Variants in FAM177A1 observed in about 807,000 individuals in gnomAD.
The protein encoded by FAM177A1 is family with sequence similarity 177 member A1, also known as protein FAM177A1.
FAM177A1 carries 22 observed loss-of-function variants against 26.1 expected under a neutral mutation model. The observed-to-expected ratio is 0.84, with a 90% CI of 0.60 to 1.20. FAM177A1 has a LOEUF of 1.20. Ranked by LOEUF, FAM177A1 falls within the 50% of genes most tolerant of loss-of-function variation. FAM177A1 has a pLI of 0.00. For missense variants in FAM177A1, 296 were observed against 291.1 expected (o/e 1.02, Z -0.12); for synonymous variants, 95 against 99.3 (o/e 0.96, Z 0.26).
chr14:35,046,772 G>A, intron 1 of FAM177A1, 144 bp downstream of exon 1: 2 of 1,387,070 alleles, frequency 1.4e-6, no homozygotes, highest in East Asian at 2.9e-5. Context: ...CCCTGTTTCT[G>A]CTCACTGAGA....
upstream of FAM177A1, among the ~76,000 whole-genome samples, chr14:35,045,641 TCA>T (rs1491157879): frequency 6.6e-6 from 1 of 152,296 alleles, no homozygotes; most frequent in South Asian, 2.1e-4. Flanking sequence ...CTGCAGAACC[TCA>T]GACTTGTTTG....
intron 2 of FAM177A1, among the ~76,000 whole-genome samples, chr14:35,072,485 C>A (rs1285059430): frequency 6.6e-6 from 1 of 152,138 alleles, no homozygotes; most frequent in Admixed American, 6.5e-5. Flanking sequence ...GAAAGGCGTA[C>A]TTGCTGTGAC....
intron 2 of FAM177A1, among the ~76,000 whole-genome samples, chr14:35,054,122 GGAGAA>G: frequency 6.6e-6 from 1 of 152,162 alleles, no homozygotes; most frequent in Non-Finnish European, 1.5e-5. Context: ...TGCCTCAACA[GGAGAA>G]TGGCATGAAC....
intron 2 of FAM177A1, among the ~76,000 whole-genome samples, chr14:35,076,365 T>C (rs1485846516): frequency 1.3e-5 from 2 of 151,942 alleles, no homozygotes; most frequent in African/African-American, 4.8e-5. Flanking sequence ...CACCGCATGT[T>C]CTCACTCTTA....
intron 2 of FAM177A1, among the ~76,000 whole-genome samples, chr14:35,067,942 G>A (rs2045264472): frequency 6.6e-6 from 1 of 152,034 alleles, no homozygotes; most frequent in Non-Finnish European, 1.5e-5. Context: ...TCAAATGTAT[G>A]GCTTGCAAGT....
Position 35,072,785 on chromosome 14 carries a change from T to C in FAM177A1, c.340-4365T>C, listed in dbSNP as rs186565843. On this transcript the variant is annotated intron_variant, in intron 2 of 4. Coordinates refer to ENST00000280987, the MANE Select transcript of FAM177A1 (RefSeq NM_173607.5). ...TCAAGCCATTTTCTGTTAATATCTC[T>C]GGTGTTGTGTCTGTTAGCTCTTGAA... Among the ~76,000 whole-genome samples, 8 of 152,294 alleles carry C rather than the reference T, an allele frequency of 5.3e-5. No individual in the cohort carries two copies. In the East Asian group the frequency reaches 1.5e-3, roughly 29 times the overall value.
At chr14:35,071,521 G>A (rs2045321219) in intron 2 of FAM177A1, among the ~76,000 whole-genome samples, 1 of 152,064 alleles carries the variant, frequency 6.6e-6, no homozygotes, top group Admixed American at 6.6e-5. Context: ...TCTAGGTGGT[G>A]GAATTCTGGC....
chr14:35,080,566 C>T (rs1466700662), intron 4 of FAM177A1, among the ~76,000 whole-genome samples: 4 of 152,056 alleles, frequency 2.6e-5, no homozygotes, highest in Admixed American at 6.6e-5. Flanking sequence ...TTTGGGAGGC[C>T]GAGGTGGGTG....
At position 35,053,514 on chromosome 14, in the gene FAM177A1, A is replaced by G; in HGVS notation, c.339+63A>G. 3 of 1,524,564 alleles carry G rather than the reference A, an allele frequency of 2.0e-6. No individual in the cohort carries two copies. The East Asian group carries it at 6.8e-5, about 34-fold the overall frequency. 94.4% of individuals were successfully genotyped at this position (1,524,564 alleles called of 1,614,324 possible). A position where few individuals can be genotyped will look rare whatever the true frequency, so the allele number is the denominator to read the frequency against. ...TTGTTTTGATTTATTTTTTTTCCCT[A>G]AACATTGAGTGGAAGGGACCTTTTG... On this transcript the variant is annotated intron_variant, in intron 2 of 4. Transcript: ENST00000280987.
chr14:35,052,582 A>C (rs890967161), intron 1 of FAM177A1, among the ~76,000 whole-genome samples: 1 of 151,966 alleles, frequency 6.6e-6, no homozygotes, highest in Non-Finnish European at 1.5e-5. Flanking sequence ...ACCATCTCCC[A>C]CTATATATAT....
chr14:35,076,164 T>G (rs897909157), intron 2 of FAM177A1, among the ~76,000 whole-genome samples: 1 of 152,214 alleles, frequency 6.6e-6, no homozygotes, highest in Non-Finnish European at 1.5e-5. Flanking sequence ...GCGGCACTAT[T>G]CACAATAGCA....
At chr14:35,078,898 TA>T in intron 3 of FAM177A1, 28 bp from the exon 4 acceptor site, 1 of 1,458,080 alleles carries the variant, frequency 6.9e-7, no homozygotes, top group Non-Finnish European at 9.1e-7. Context: ...TATAGAATTA[TA>T]TAAGTCTTTT....
intron 1 of FAM177A1, among the ~76,000 whole-genome samples, chr14:35,049,637 T>G (rs985492762): frequency 2.0e-5 from 3 of 152,046 alleles, no homozygotes; most frequent in Admixed American, 6.6e-5. Flanking sequence ...ATAGAAAAAT[T>G]AGCTGGGCAT....
chr14:35,060,025 G>A (rs2045126920), intron 2 of FAM177A1, among the ~76,000 whole-genome samples: 1 of 151,544 alleles, frequency 6.6e-6, no homozygotes, highest in African/African-American at 2.4e-5. Context: ...CCAGGCGGGA[G>A]TGCAGTGGCG....
intron 4 of FAM177A1, 107 bp from the exon 5 acceptor site, chr14:35,080,912 CTTT>C (rs71435851): frequency 6.0e-3 from 6,333 of 1,059,574 alleles, no homozygotes; most frequent in South Asian, 9.4e-3. Flanking sequence ...GAACATGACA[CTTT>C]TTTTTTTTTT....
At chr14:35,064,644 AATTT>A (rs1421965048) in intron 2 of FAM177A1, among the ~76,000 whole-genome samples, 2 of 149,600 alleles carry the variant, frequency 1.3e-5, no homozygotes, top group African/African-American at 4.9e-5. Context: ...AAAGAGATAC[AATTT>A]ATTTCTCTGA....
intron 2 of FAM177A1, among the ~76,000 whole-genome samples, chr14:35,058,875 C>T (rs1234742904): frequency 3.3e-5 from 5 of 150,458 alleles, no homozygotes; most frequent in Non-Finnish European, 7.4e-5. Context: ...GACCTTGCCT[C>T]AGAAAAAAAA....
chr14:35,060,012 C>T (rs764622924), intron 2 of FAM177A1, among the ~76,000 whole-genome samples: 2 of 147,044 alleles, frequency 1.4e-5, no homozygotes, highest in Admixed American at 6.9e-5. Context: ...TCACTCTTGT[C>T]GCCCAGGCGG....
At chr14:35,063,033 C>A (rs2045183738) in intron 2 of FAM177A1, among the ~76,000 whole-genome samples, 1 of 149,680 alleles carries the variant, frequency 6.7e-6, no homozygotes, top group Non-Finnish European at 1.5e-5. Context: ...GTAATCCCAG[C>A]ACTTTGGGAG....
Sources: allele counts gnomAD v4.1 joint callset (sites outside exome capture counted in the v4.1 genomes callset), GRCh38; gene constraint gnomAD v4.1.1; transcripts MANE v1.5; gene names NCBI Gene and HGNC (gene_info 2026-07-23, HGNC 2026-07-21).